The following DHX35 variants were observed in gnomAD, a reference collection of about 807,000 sequenced individuals.
The protein encoded by DHX35 is DEAH-box helicase 35.
A neutral mutation model predicts 99.6 loss-of-function variants in DHX35; 84 were observed. The ratio of observed to expected loss-of-function variants is 0.84; its 90% confidence interval spans 0.71 to 1.01. DHX35 has a LOEUF of 1.01. DHX35 is among the 50% of genes least tolerant of loss of function. The pLI is 0.00. For synonymous variants in DHX35, 331 were observed against 316.2 expected, an observed-to-expected ratio of 1.05 and a Z score of -0.50; for missense variants, 852 against 888.5, an observed-to-expected ratio of 0.96 and a Z score of 0.52.
intron 20 of DHX35, among the ~76,000 whole-genome samples, chr20:39,032,245 C>T (rs901119396): frequency 6.6e-6 from 1 of 152,220 alleles, no homozygotes; most frequent in Non-Finnish European, 1.5e-5. Context: ...GATCTTGGCT[C>T]ACTTCAATCT....
At chr20:38,963,363 G>C (rs1298303685) in intron 1 of DHX35, among the ~76,000 whole-genome samples, 2 of 152,162 alleles carry the variant, frequency 1.3e-5, no homozygotes, top group South Asian at 4.1e-4. Context: ...TATAAGCAAA[G>C]CTTTTAATTT....
At chr20:39,026,169 A>G (rs1023599076) in intron 18 of DHX35, among the ~76,000 whole-genome samples, 4 of 152,206 alleles carry the variant, frequency 2.6e-5, no homozygotes, top group African/African-American at 9.6e-5. Context: ...GAGTGCTTAT[A>G]AGTGGCTAGA....
intron 3 of DHX35, among the ~76,000 whole-genome samples, chr20:38,980,511 G>GTTTTTTTTTTTTTT (rs397953645): frequency 7.3e-6 from 1 of 136,966 alleles, no homozygotes; most frequent in Non-Finnish European, 1.6e-5. Flanking sequence ...TTATAGTTCT[G>GTTTTTTTTTTTTTT]TTTTTTTTTT....
intron 20 of DHX35, among the ~76,000 whole-genome samples, chr20:39,032,374 G>A (rs1257887171): frequency 6.6e-6 from 1 of 152,202 alleles, no homozygotes; most frequent in Non-Finnish European, 1.5e-5. Flanking sequence ...GTTTTGCCGT[G>A]TTGGCCAGGC....
At position 38,979,587 on chromosome 20, in the gene DHX35, C is replaced by A. The variant is rs2086139351; in HGVS notation, c.268-4112C>A. 2.6e-5 allele frequency among the ~76,000 whole-genome samples: 4 copies of A among 152,252 alleles called. No individual in the cohort carries two copies. The South Asian group carries it at 8.3e-4, about 32-fold the overall frequency. On this transcript the variant is annotated intron_variant, in intron 3 of 21. Transcript: ENST00000252011. Reference sequence around the variant, plus strand: ...TATGGAGTATTCCCTTTTCTCCTAGCCACTCAGTTCCCCGTACCTGAGACA... The same window carrying A: ...TATGGAGTATTCCCTTTTCTCCTAGACACTCAGTTCCCCGTACCTGAGACA...
rs189878419 is a variant in DHX35, at chr20:39,003,948, A to G, written c.1011+41A>G. The G allele has an allele frequency of 7.2e-5, 115 of 1,604,802 alleles. 1 individual carries two copies. The African/African-American group carries it at 1.0e-3, about 14-fold the overall frequency. On this transcript the variant is annotated intron_variant, in intron 11 of 21. Coordinates refer to ENST00000252011, the MANE Select transcript of DHX35 (RefSeq NM_021931.4). ...TGACCAAGGGTGTTGGCAGCCGTCT[A>G]TAATCATAATGATGCTCCTTTACTT... is the stretch of plus-strand genomic sequence containing the variant.
chr20:38,989,869 T>A (rs1324160440), intron 5 of DHX35, among the ~76,000 whole-genome samples: 2 of 152,182 alleles, frequency 1.3e-5, no homozygotes. Flanking sequence ...CAAAGTCTAA[T>A]CAGACAGTGC....
chr20:38,981,162 A>G (rs569350641), intron 3 of DHX35, among the ~76,000 whole-genome samples: 3 of 152,308 alleles, frequency 2.0e-5, no homozygotes, highest in African/African-American at 7.2e-5. Flanking sequence ...CTGTGAAACT[A>G]CTGTCTTTCC....
At chr20:38,999,473 AC>A (rs2086483154) in intron 8 of DHX35, among the ~76,000 whole-genome samples, 1 of 152,136 alleles carries the variant, frequency 6.6e-6, no homozygotes, top group African/African-American at 2.4e-5. Context: ...CTAGCCACAG[AC>A]ATCCTAAACT....
intron 5 of DHX35, among the ~76,000 whole-genome samples, chr20:38,989,878 G>A (rs1032228608): frequency 6.6e-6 from 1 of 152,108 alleles, no homozygotes; most frequent in Non-Finnish European, 1.5e-5. Context: ...ATCAGACAGT[G>A]CAATAAAACA....
At chr20:38,964,834 T>A (rs907072541) in intron 1 of DHX35, among the ~76,000 whole-genome samples, 4 of 152,150 alleles carry the variant, frequency 2.6e-5, no homozygotes, top group African/African-American at 9.7e-5. Context: ...AAGGTACTAG[T>A]GAAATCCAGG....
At position 39,038,755 on chromosome 20, in the gene DHX35, C is replaced by G. The variant is rs535456640; in HGVS notation, c.*212C>G. ...CTGGAGGACTTTGTGCATGGGCAGG[C>G]ATCCTTCTGTGCTGCAGCGGGCAGA... On this transcript the variant is annotated 3_prime_UTR_variant, in exon 22 of 22. Coordinates refer to ENST00000252011, the MANE Select transcript of DHX35 (RefSeq NM_021931.4). The G allele has an allele frequency of 1.0e-5, 6 of 597,340 alleles. No individual in the cohort carries two copies. In the East Asian group the frequency reaches 1.7e-4, roughly 17 times the overall value. The allele number at this position is 597,340 out of a possible 1,614,324, so 37.0% of individuals were successfully genotyped here.
At chr20:39,014,004 G>T (rs1309411318) in intron 13 of DHX35, among the ~76,000 whole-genome samples, 1 of 152,170 alleles carries the variant, frequency 6.6e-6, no homozygotes, top group East Asian at 1.9e-4. Context: ...CTGCCTATAT[G>T]ACCTTGTTCA....
At chr20:39,003,672 T>G in intron 10 of DHX35, 77 bp from the exon 11 acceptor site, 1 of 1,522,404 alleles carries the variant, frequency 6.6e-7, no homozygotes, top group Non-Finnish European at 8.9e-7. Context: ...TCCCAACTTT[T>G]ATTTTCTTTC....
chr20:38,974,932 C>T (rs1476775028), intron 3 of DHX35, among the ~76,000 whole-genome samples: 1 of 152,182 alleles, frequency 6.6e-6, no homozygotes, highest in African/African-American at 2.4e-5. Flanking sequence ...CTGGGTTATT[C>T]ATCTTGGAGA....
intron 20 of DHX35, 116 bp downstream of exon 20, chr20:39,030,891 G>GA: frequency 8.7e-7 from 1 of 1,151,496 alleles, no homozygotes; most frequent in Non-Finnish European, 1.3e-6. Context: ...GGCCGGGCGT[G>GA]GTGGCTCACG....
intron 3 of DHX35, among the ~76,000 whole-genome samples, chr20:38,981,376 T>G (rs1480344343): frequency 1.3e-5 from 2 of 152,210 alleles, no homozygotes; most frequent in Non-Finnish European, 2.9e-5. Flanking sequence ...CCTCACTTAT[T>G]TCTTAGATTA....
At chr20:38,972,476 T>C in intron 2 of DHX35, 83 bp from the exon 3 acceptor site, 1 of 849,566 alleles carries the variant, frequency 1.2e-6, no homozygotes, top group South Asian at 1.5e-5. Flanking sequence ...TGAAAACAGC[T>C]CATTTCACAA....
chr20:38,967,725 C>T (rs1423124394), intron 1 of DHX35, among the ~76,000 whole-genome samples: 1 of 152,150 alleles, frequency 6.6e-6, no homozygotes, highest in Non-Finnish European at 1.5e-5. Context: ...AGCAAGAAGC[C>T]GGGGTGAAGA....
Sources: allele counts gnomAD v4.1 joint callset (sites outside exome capture counted in the v4.1 genomes callset), GRCh38; gene constraint gnomAD v4.1.1; transcripts MANE v1.5; gene names NCBI Gene and HGNC (gene_info 2026-07-23, HGNC 2026-07-21).